CEP192: variants seen among roughly 807,000 people sequenced by gnomAD.
CEP192 encodes centrosomal protein 192.
Under a neutral mutation model 271.8 loss-of-function variants are expected in CEP192, and 151 were observed. The ratio of observed to expected loss-of-function variants is 0.56; its 90% CI spans 0.49 to 0.64. The LOEUF (loss-of-function observed/expected upper bound fraction) is 0.64, where lower values mean the gene tolerates loss of function less well. CEP192 is among the 30% of genes least tolerant of loss of function. CEP192 has a pLI of 0.00. For missense variants in CEP192, 2,910 were observed against 3,020.5 expected (o/e 0.96, Z 0.86); for synonymous variants, 995 against 1,076.5 (o/e 0.92, Z 1.48).
intron 18 of CEP192, among the ~76,000 whole-genome samples, chr18:13,055,568 G>T (rs1303577321): frequency 6.6e-6 from 1 of 151,904 alleles, no homozygotes; most frequent in Non-Finnish European, 1.5e-5. Flanking sequence ...TTTCCTCATG[G>T]TATAATTCTT....
chr18:13,003,758 C>T (rs1367104615), intron 3 of CEP192, among the ~76,000 whole-genome samples: 1 of 152,154 alleles, frequency 6.6e-6, no homozygotes, highest in Non-Finnish European at 1.5e-5. Flanking sequence ...CGTAATTGCA[C>T]CACTGCACTC....
At position 13,116,386 on chromosome 18, in the gene CEP192, T is replaced by A; in HGVS notation, c.7299T>A (p.Asp2433Glu). Reference protein sequence around the residue: ...EASARIPEQLDVTARGVYAPE... With the variant: ...EASARIPEQLEVTARGVYAPE... The stretch of plus-strand genomic sequence containing the variant: ...CCTATTCCCAAAGCAGGCAGCTTGA[T>A]GTGACTGCTCGTGGAGTTTATGCCC... The change falls in exon 43 of 45, where the codon GAT (aspartate) becomes GAA (glutamate). Residue 2433 changes from aspartate (D) to glutamate (E), a missense_variant. Coordinates refer to ENST00000506447, the MANE Select transcript of CEP192 (RefSeq NM_032142.4). 2 of 1,612,252 alleles carry A rather than the reference T, an allele frequency of 1.2e-6. No homozygotes were observed. Among genetic ancestry groups the A allele is most frequent in the South Asian group, 2.2e-5 (2 of 90,294 alleles).
At chr18:13,043,209 G>A (rs1354741792) in intron 15 of CEP192, among the ~76,000 whole-genome samples, 1 of 152,200 alleles carries the variant, frequency 6.6e-6, no homozygotes, top group Non-Finnish European at 1.5e-5. Context: ...GTCCAAGTCT[G>A]TTGCTCATTT....
intron 1 of CEP192, among the ~76,000 whole-genome samples, chr18:12,995,557 G>A (rs1831375720): frequency 6.6e-6 from 1 of 152,236 alleles, no homozygotes; most frequent in Non-Finnish European, 1.5e-5. Context: ...TCTCGTGCCA[G>A]CACTGTTCTA....
intron 38 of CEP192, among the ~76,000 whole-genome samples, chr18:13,100,753 AC>A (rs2144883912): frequency 6.6e-6 from 1 of 152,336 alleles, no homozygotes; most frequent in East Asian, 1.9e-4. Context: ...GATGGTCAGA[AC>A]CTTTCCTGTG....
Position 13,053,010 on chromosome 18 carries a change from G to T in CEP192, c.3109G>T (p.Val1037Leu). ...LSPLVCSPAG[V>L]SRLTYVSEPE... The stretch of plus-strand genomic sequence containing the variant: ...TCCCTTGGTGTGCTCGCCTGCTGGG[G>T]TGAGCAGGCTGACGTATGTGTCTGA... The change falls in exon 18 of 45, where the codon GTG (valine) becomes TTG (leucine). Residue 1037 changes from valine to leucine, a missense_variant. By Grantham distance (32) the Val-to-Leu change is conservative (BLOSUM62 1). Transcript: ENST00000506447. 1 of 1,614,004 alleles carries T rather than the reference G, an allele frequency of 6.2e-7. No individual in the cohort carries two copies. Among genetic ancestry groups the T allele is most frequent in the Non-Finnish European group, 8.5e-7 (1 of 1,179,916 alleles).
At chr18:13,098,399 C>T (rs1247610950) in intron 36 of CEP192, among the ~76,000 whole-genome samples, 14 of 151,850 alleles carry the variant, frequency 9.2e-5, no homozygotes, top group African/African-American at 2.4e-4. Flanking sequence ...GGCTGCCGGG[C>T]GGAGGGGCTC....
In CEP192 at chr18:13,019,082, G is replaced by A; in HGVS notation, c.926G>A (p.Ser309Asn). ...TTAACATTTTTCTTTATTTTTTCAGGTAATTCTATAGGTACTGGAGATAGT... is the reference window on the plus strand; with the variant it reads ...TTAACATTTTTCTTTATTTTTTCAGATAATTCTATAGGTACTGGAGATAGT... ...ESQVICLPGTSNSIGTGDSRR... is the reference protein window; with the variant it reads ...ESQVICLPGTNNSIGTGDSRR... The change falls in exon 9 of 45, where the codon AGT becomes AAT. Residue 309 changes from serine to asparagine, a missense_variant and splice_region_variant. Ser to Asn is a conservative substitution (Grantham distance 46). Coordinates refer to ENST00000506447, the MANE Select transcript of CEP192 (RefSeq NM_032142.4). 7 of 1,527,368 alleles carry A rather than the reference G, an allele frequency of 4.6e-6. No homozygotes were observed. Among genetic ancestry groups the A allele is most frequent in the Non-Finnish European group, 6.1e-6 (7 of 1,138,818 alleles). The allele number at this position is 1,527,368 out of a possible 1,614,324, so 94.6% of individuals were successfully genotyped here. A position where few individuals can be genotyped will look rare whatever the true frequency, so the allele number is the denominator to read the frequency against.
chr18:13,011,997 T>C (rs1599062055), intron 4 of CEP192, among the ~76,000 whole-genome samples: 3 of 152,320 alleles, frequency 2.0e-5, no homozygotes, highest in Middle Eastern at 3.4e-3. Flanking sequence ...TGATACGTGC[T>C]TTAATACAGG....
chr18:13,038,312 G>C (rs958312193), intron 12 of CEP192, 58 bp from the exon 13 acceptor site: 31 of 1,377,930 alleles, frequency 2.2e-5, no homozygotes, highest in Non-Finnish European at 3.0e-5. Flanking sequence ...TTGTATATTA[G>C]AACAACAGAA....
Position 12,996,211 on chromosome 18 carries a change from T to TG in CEP192, c.-4-3204dup, listed in dbSNP as rs910865628. 9.5e-5 allele frequency among the ~76,000 whole-genome samples: 10 copies of TG among 105,266 alleles called. No individual in the cohort carries two copies. In the South Asian group the frequency reaches 3.5e-3, roughly 37 times the overall value. The allele number at this position is 105,266 out of a possible 152,430, so 69.1% of individuals were successfully genotyped here. ...GGCCTGACCAAGGTCATAGCAGGGT[T>TG]GGGGGGTAGGTTGGGGGGATGCAGC... On this transcript the variant is annotated intron_variant, in intron 1 of 44. Transcript: ENST00000506447.
At chr18:13,051,001 CT>C (rs771388779) in intron 17 of CEP192, among the ~76,000 whole-genome samples, 12 of 152,188 alleles carry the variant, frequency 7.9e-5, no homozygotes, top group Non-Finnish European at 1.5e-4. Context: ...CCTTATGTTT[CT>C]TATAGGTATT....
intron 4 of CEP192, 33 bp downstream of exon 4, chr18:13,008,664 A>G: frequency 2.1e-6 from 3 of 1,419,988 alleles, no homozygotes; most frequent in Non-Finnish European, 2.8e-6. Context: ...TTCTTAATGC[A>G]TATGTTTTAA....
rs114381981 is a variant in CEP192, at chr18:13,104,687, A to C, written c.6952-297A>C. Among the ~76,000 whole-genome samples the C allele has an allele frequency of 9.9e-3, 1,508 of 152,316 alleles. 22 individuals are homozygous for C. The highest frequency in any genetic ancestry group is 0.035 in the African/African-American group (1,443 of 41,560). On this transcript the variant is annotated intron_variant, in intron 39 of 44. Coordinates refer to ENST00000506447, the MANE Select transcript of CEP192 (RefSeq NM_032142.4). ...AATGCACATTCAACAGGGTCTTCAG[A>C]GTCTTTGAGGAAAAGATAGTTGTTT... is the stretch of plus-strand genomic sequence containing the variant.
chr18:13,048,263 G>A (rs180815102), intron 15 of CEP192, among the ~76,000 whole-genome samples: 1 of 152,274 alleles, frequency 6.6e-6, no homozygotes, highest in African/African-American at 2.4e-5. Flanking sequence ...GCTCCATCCT[G>A]GTAGGATGTG....
intron 28 of CEP192, among the ~76,000 whole-genome samples, chr18:13,071,535 A>G (rs1022767162): frequency 5.9e-5 from 9 of 152,246 alleles, no homozygotes; most frequent in African/African-American, 1.7e-4. Flanking sequence ...AATATGCAGT[A>G]CATCCATTCT....
At chr18:12,993,760 C>T (rs190594238) in intron 1 of CEP192, among the ~76,000 whole-genome samples, 25 of 152,146 alleles carry the variant, frequency 1.6e-4, no homozygotes, top group Admixed American at 1.5e-3. Flanking sequence ...CTTTCAGCCT[C>T]AGTTTCCTCA....
Position 13,095,427 on chromosome 18 carries a change from T to C in CEP192, c.6255-76T>C. On this transcript the variant is annotated intron_variant, in intron 34 of 44. Coordinates refer to ENST00000506447, the MANE Select transcript of CEP192 (RefSeq NM_032142.4). Reference sequence around the variant, plus strand: ...AAGAATATAAAAATATGTGATACAATCTGGCCTTTTATCATTTTTAACTTC... The same window carrying C: ...AAGAATATAAAAATATGTGATACAACCTGGCCTTTTATCATTTTTAACTTC... The C allele has an allele frequency of 7.7e-6, 8 of 1,042,478 alleles. No individual in the cohort carries two copies. The South Asian group carries it at 1.2e-4, about 16-fold the overall frequency. 64.6% of individuals were successfully genotyped at this position (1,042,478 alleles called of 1,614,324 possible).
At chr18:13,082,504 C>G (rs1037193356) in intron 30 of CEP192, among the ~76,000 whole-genome samples, 1 of 138,574 alleles carries the variant, frequency 7.2e-6, no homozygotes, top group Non-Finnish European at 1.5e-5. Flanking sequence ...TTATTTTGAG[C>G]CTATGTGTGT....
Sources: allele counts gnomAD v4.1 joint callset (sites outside exome capture counted in the v4.1 genomes callset), GRCh38; gene constraint gnomAD v4.1.1; transcripts MANE v1.5; gene names NCBI Gene and HGNC (gene_info 2026-07-23, HGNC 2026-07-21).